PALM2AKAP2: variants seen among roughly 807,000 people sequenced by gnomAD.
PALM2AKAP2 encodes PALM2-AKAP2 fusion protein.
A neutral mutation model predicts 71.5 loss-of-function variants in PALM2AKAP2; 37 were observed. The ratio of observed to expected loss-of-function variants is 0.52; its 90% CI spans 0.40 to 0.68. PALM2AKAP2 has a LOEUF of 0.68. Among genes scored for constraint, PALM2AKAP2 ranks in the 30% least tolerant of loss-of-function variants. The pLI, the probability that PALM2AKAP2 is intolerant of heterozygous loss-of-function variation, is 0.00. For missense variants in PALM2AKAP2, 1,224 were observed against 1,191.8 expected (o/e 1.03, Z -0.40); for synonymous variants, 468 against 478.8 (o/e 0.98, Z 0.29).
intron 1 of PALM2AKAP2, among the ~76,000 whole-genome samples, chr9:109,703,294 C>A (rs1828092505): frequency 6.6e-6 from 1 of 152,066 alleles, no homozygotes; most frequent in Non-Finnish European, 1.5e-5. Context: ...CAGGCTTTAT[C>A]TGAAGTGTGT....
At chr9:110,027,656 A>G (rs1833205471) in intron 7 of PALM2AKAP2, among the ~76,000 whole-genome samples, 2 of 152,360 alleles carry the variant, frequency 1.3e-5, no homozygotes, top group Admixed American at 6.5e-5. Flanking sequence ...CCACATTTAA[A>G]AAAGGATGTT....
chr9:109,974,358 G>A (rs543194082), intron 6 of PALM2AKAP2, among the ~76,000 whole-genome samples: 22 of 152,280 alleles, frequency 1.4e-4, no homozygotes, highest in Middle Eastern at 6.8e-3. Flanking sequence ...AACCTACCAT[G>A]TGCTTCCGAC....
At chr9:109,787,813 T>C (rs1827008735) in intron 1 of PALM2AKAP2, among the ~76,000 whole-genome samples, 1 of 152,244 alleles carries the variant, frequency 6.6e-6, no homozygotes, top group East Asian at 1.9e-4. Flanking sequence ...CAATTCCTTT[T>C]GATCAAGAGG....
At chr9:109,966,562 G>A (rs1588036547) in intron 6 of PALM2AKAP2, among the ~76,000 whole-genome samples, 2 of 152,294 alleles carry the variant, frequency 1.3e-5, no homozygotes, top group Non-Finnish European at 2.9e-5. Flanking sequence ...CTGTCATGAA[G>A]GTTAAAGGAG....
intron 1 of PALM2AKAP2, among the ~76,000 whole-genome samples, chr9:109,861,357 C>T (rs771840752): frequency 6.6e-6 from 1 of 152,128 alleles, no homozygotes; most frequent in Non-Finnish European, 1.5e-5. Flanking sequence ...CCATGTCTGT[C>T]TTCTCATCAT....
At chr9:109,959,939 A>G (rs561758071) in intron 6 of PALM2AKAP2, among the ~76,000 whole-genome samples, 1 of 152,176 alleles carries the variant, frequency 6.6e-6, no homozygotes, top group Admixed American at 6.5e-5. Context: ...TCTCCTACTC[A>G]GTAAGAACAG....
intron 1 of PALM2AKAP2, among the ~76,000 whole-genome samples, chr9:110,084,182 G>A (rs73657340): frequency 0.049 from 7,484 of 152,280 alleles, 580 homozygotes; most frequent in African/African-American, 0.16. Flanking sequence ...ACTAAGCAAA[G>A]GTGGGGAAAT....
At position 109,826,298 on chromosome 9, in the gene PALM2AKAP2, G is replaced by T. The variant is rs1828148620; in HGVS notation, c.46-41193G>T. 3.3e-5 allele frequency among the ~76,000 whole-genome samples: 5 copies of T among 152,028 alleles called. No homozygotes were observed. The South Asian group carries it at 1.0e-3, about 32-fold the overall frequency. Reference sequence around the variant, plus strand: ...GTTACTGGGTGCAGCACACCAACATGGCACATGTATACATATGTAACAAAC... The same window carrying T: ...GTTACTGGGTGCAGCACACCAACATTGCACATGTATACATATGTAACAAAC... On this transcript the variant is annotated intron_variant, in intron 1 of 9. Coordinates refer to the PALM2AKAP2 transcript ENST00000302798.
intron 1 of PALM2AKAP2, among the ~76,000 whole-genome samples, chr9:109,645,181 G>T (rs1216157584): frequency 6.6e-6 from 1 of 152,226 alleles, no homozygotes; most frequent in African/African-American, 2.4e-5. Flanking sequence ...TGTGGCTGGG[G>T]AAGCCTCACA....
intron 1 of PALM2AKAP2, among the ~76,000 whole-genome samples, chr9:109,656,873 T>C (rs1017689938): frequency 6.6e-6 from 1 of 152,206 alleles, no homozygotes; most frequent in African/African-American, 2.4e-5. Context: ...GGAGGATTCT[T>C]CCTTTCCTTT....
chr9:110,029,418 C>G (rs1833240017), intron 7 of PALM2AKAP2, among the ~76,000 whole-genome samples: 1 of 152,072 alleles, frequency 6.6e-6, no homozygotes, highest in Non-Finnish European at 1.5e-5. Flanking sequence ...GAGTGGTCAC[C>G]CTAAAATACA....
intron 1 of PALM2AKAP2, among the ~76,000 whole-genome samples, chr9:109,842,700 A>G (rs1415528917): frequency 1.3e-5 from 2 of 152,170 alleles, no homozygotes; most frequent in South Asian, 2.1e-4. Context: ...GATATCTGAC[A>G]AGAAGTCGGC....
chr9:109,800,280 T>A (rs1477909680), intron 1 of PALM2AKAP2, among the ~76,000 whole-genome samples: 4 of 152,246 alleles, frequency 2.6e-5, no homozygotes, highest in Non-Finnish European at 4.4e-5. Context: ...CTTCTGTGAT[T>A]AGGTACTTAA....
chr9:109,943,495 A>C, intron 6 of PALM2AKAP2: 1 of 1,508,794 alleles, frequency 6.6e-7, no homozygotes. Context: ...TCACTGTACC[A>C]CTAACTGCAA....
chr9:110,023,912 G>A (rs1380489744), intron 7 of PALM2AKAP2, among the ~76,000 whole-genome samples: 1 of 152,032 alleles, frequency 6.6e-6, no homozygotes, highest in Non-Finnish European at 1.5e-5. Flanking sequence ...AAGATCGCTT[G>A]AGCCCAGGGA....
At chr9:109,652,430 G>C (rs150131433) in intron 1 of PALM2AKAP2, among the ~76,000 whole-genome samples, 1 of 152,114 alleles carries the variant, frequency 6.6e-6, no homozygotes, top group Non-Finnish European at 1.5e-5. Flanking sequence ...ACCTTCTGCC[G>C]TGAGTGGAAG....
intron 1 of PALM2AKAP2, among the ~76,000 whole-genome samples, chr9:109,685,666 T>C (rs1221356962): frequency 6.6e-6 from 1 of 152,122 alleles, no homozygotes; most frequent in Non-Finnish European, 1.5e-5. Context: ...GAACCCTCAG[T>C]GAATTATATT....
chr9:110,156,588 C>A, intron 3 of PALM2AKAP2, 91 bp downstream of exon 9: 1 of 1,424,746 alleles, frequency 7.0e-7, no homozygotes, highest in South Asian at 1.7e-5. Flanking sequence ...ATGTGTATGT[C>A]GTTGTCTGGT....
At chr9:110,018,958 A>G (rs1833027385) in intron 7 of PALM2AKAP2, among the ~76,000 whole-genome samples, 1 of 152,100 alleles carries the variant, frequency 6.6e-6, no homozygotes, top group African/African-American at 2.4e-5. Context: ...ATACCATCTC[A>G]CGACTGGGCA....
Sources: allele counts gnomAD v4.1 joint callset (sites outside exome capture counted in the v4.1 genomes callset), GRCh38; gene constraint gnomAD v4.1.1; transcripts MANE v1.5; gene names NCBI Gene and HGNC (gene_info 2026-07-23, HGNC 2026-07-21).